AKT3: variants seen among roughly 807,000 people sequenced by gnomAD.
AKT3 encodes AKT serine/threonine kinase 3.
AKT3 carries 15 observed loss-of-function variants against 65.3 expected under a neutral mutation model. That is an observed-to-expected ratio of 0.23 (90% CI 0.15 to 0.35). The LOEUF is 0.35. Among genes scored for constraint, AKT3 ranks in the 10% least tolerant of loss-of-function variants. The pLI is 1.00. For missense variants in AKT3, 243 were observed against 576.5 expected (o/e 0.42, Z 5.92); for synonymous variants, 206 against 183.8 (o/e 1.12, Z -0.98).
rs1223010610 is a variant in AKT3, at chr1:243,824,795, C to T, written c.46+18330G>A. On this transcript the variant is annotated intron_variant, in intron 2 of 13. Coordinates refer to ENST00000673466, the MANE Select transcript of AKT3 (RefSeq NM_005465.7). ...CTGTGGAGAAAGAGGAACACTTTTA[C>T]ACCATTGGTGGGAAAGCAAATTAGT... Among the ~76,000 whole-genome samples, 8 of 152,146 alleles carry T rather than the reference C, an allele frequency of 5.3e-5. No individual in the cohort carries two copies. The East Asian group carries it at 9.6e-4, about 18-fold the overall frequency.
chr1:243,761,346 C>T (rs950905089), intron 2 of AKT3, among the ~76,000 whole-genome samples: 1 of 152,068 alleles, frequency 6.6e-6, no homozygotes, highest in African/African-American at 2.4e-5. Context: ...AGCTAAATAT[C>T]ATAATTTAGA....
chr1:243,752,887 G>A (rs1267445030), intron 2 of AKT3, among the ~76,000 whole-genome samples: 1 of 152,188 alleles, frequency 6.6e-6, no homozygotes, highest in South Asian at 2.1e-4. Flanking sequence ...GGAAGTTAAA[G>A]TTTTCATCCC....
At chr1:243,815,304 G>A (rs1436832985) in intron 2 of AKT3, among the ~76,000 whole-genome samples, 2 of 152,102 alleles carry the variant, frequency 1.3e-5, no homozygotes, top group East Asian at 1.9e-4. Context: ...TTCATTCATA[G>A]GTTACATTTT....
intron 3 of AKT3, among the ~76,000 whole-genome samples, chr1:243,672,537 G>A (rs939975367): frequency 1.3e-5 from 2 of 152,128 alleles, no homozygotes; most frequent in African/African-American, 4.8e-5. Context: ...AATAAATAAT[G>A]GGAGTCAGAC....
chr1:243,692,506 G>A (rs901765535), intron 3 of AKT3, among the ~76,000 whole-genome samples: 2 of 152,022 alleles, frequency 1.3e-5, no homozygotes, highest in Non-Finnish European at 2.9e-5. Flanking sequence ...GCTAAGGCAG[G>A]TGGATCACCT....
intron 2 of AKT3, among the ~76,000 whole-genome samples, chr1:243,745,085 T>A (rs1260789709): frequency 6.6e-6 from 1 of 152,066 alleles, no homozygotes; most frequent in South Asian, 2.1e-4. Context: ...CTAGCAGGAT[T>A]TTTTTGGGGT....
At chr1:243,850,295 A>AGGCGGCGGCGGC (rs34490111), upstream of AKT3, among the ~76,000 whole-genome samples, 69 of 118,330 alleles carry the variant, frequency 5.8e-4, 1 homozygote, top group Admixed American at 2.1e-3. Flanking sequence ...CTGGAGCGGG[A>AGGCGGCGGCGGC]GGCGGCGGCG....
At chr1:243,596,143 G>A (rs1419833560) in intron 8 of AKT3, among the ~76,000 whole-genome samples, 2 of 152,100 alleles carry the variant, frequency 1.3e-5, no homozygotes, top group Non-Finnish European at 2.9e-5. Flanking sequence ...TATATAGCAC[G>A]TGACACATAA....
At position 243,737,999 on chromosome 1, in the gene AKT3, G is replaced by A. The variant is rs146755094; in HGVS notation, c.47-42283C>T. Among the ~76,000 whole-genome samples the A allele has an allele frequency of 3.9e-5, 6 of 152,192 alleles. No individual in the cohort carries two copies. In the East Asian group the frequency reaches 5.8e-4, roughly 15 times the overall value. On this transcript the variant is annotated intron_variant, in intron 2 of 13. Transcript: ENST00000673466. Reference sequence around the variant, plus strand: ...ATAACTAATATACTCAAATTGCACCGACTACATCCCTGGCCCAGAGAAGTT... The same window carrying A: ...ATAACTAATATACTCAAATTGCACCAACTACATCCCTGGCCCAGAGAAGTT...
intron 1 of AKT3, among the ~76,000 whole-genome samples, chr1:243,844,660 G>A (rs569870292): frequency 6.6e-5 from 10 of 152,196 alleles, no homozygotes; most frequent in African/African-American, 2.2e-4. Context: ...AAAAATTTTT[G>A]TGGAGATGGG....
chr1:243,793,806 G>A (rs1328028239), intron 2 of AKT3, among the ~76,000 whole-genome samples: 2 of 148,428 alleles, frequency 1.3e-5, no homozygotes, highest in Non-Finnish European at 3.0e-5. Context: ...GAAGAAAACC[G>A]ACTATTTATT....
chr1:243,545,629 T>C (rs1384518882), intron 11 of AKT3, 32 bp from the exon 12 acceptor site: 1 of 1,453,424 alleles, frequency 6.9e-7, no homozygotes, highest in East Asian at 2.3e-5. Context: ...TAAGTAAGTA[T>C]AAAACATTTA....
intron 12 of AKT3, among the ~76,000 whole-genome samples, chr1:243,540,742 T>A (rs920505916): frequency 1.3e-5 from 2 of 152,186 alleles, no homozygotes; most frequent in African/African-American, 2.4e-5. Flanking sequence ...TAAGTCATCA[T>A]GCCACTTTAG....
At chr1:243,647,059 T>G (rs914670869) in intron 4 of AKT3, among the ~76,000 whole-genome samples, 1 of 152,228 alleles carries the variant, frequency 6.6e-6, no homozygotes, top group African/African-American at 2.4e-5. Flanking sequence ...TCGTAATCAT[T>G]TAAATCTTCC....
downstream of AKT3, among the ~76,000 whole-genome samples, chr1:243,497,390 G>C (rs1201592668): frequency 1.3e-5 from 2 of 151,826 alleles, no homozygotes; most frequent in Non-Finnish European, 2.9e-5. Context: ...TGAAAGTGGG[G>C]ATGGATATGG....
At chr1:243,718,419 A>G (rs1686648394) in intron 2 of AKT3, among the ~76,000 whole-genome samples, 1 of 152,130 alleles carries the variant, frequency 6.6e-6, no homozygotes, top group Non-Finnish European at 1.5e-5. Context: ...AAAAAAAGCT[A>G]TCTAAAGCCA....
chr1:243,735,895 A>G (rs1687818176), intron 2 of AKT3: 1 of 152,228 alleles, frequency 6.6e-6, no homozygotes, highest in African/African-American at 2.4e-5. Flanking sequence ...ATATTATTAA[A>G]AAGTAAAATT....
At chr1:243,715,381 T>C (rs1351501242) in intron 2 of AKT3, among the ~76,000 whole-genome samples, 2 of 152,160 alleles carry the variant, frequency 1.3e-5, no homozygotes, top group Non-Finnish European at 2.9e-5. Context: ...CACTTTTGTA[T>C]ACTGCTTTAC....
chr1:243,845,775 C>T (rs1223589989), intron 1 of AKT3, among the ~76,000 whole-genome samples: 1 of 151,830 alleles, frequency 6.6e-6, no homozygotes, highest in African/African-American at 2.4e-5. Flanking sequence ...ATCAGCTTGA[C>T]AGAATTTACC....
Sources: allele counts gnomAD v4.1 joint callset (sites outside exome capture counted in the v4.1 genomes callset), GRCh38; gene constraint gnomAD v4.1.1; transcripts MANE v1.5; gene names NCBI Gene and HGNC (gene_info 2026-07-23, HGNC 2026-07-21).